Variants in AKAIN1 observed in about 807,000 individuals in gnomAD.
AKAIN1 encodes A-kinase anchor protein inhibitor 1.
Under a neutral mutation model 3.7 loss-of-function variants are expected in AKAIN1, and 3 were observed. The ratio of observed to expected loss-of-function variants is 0.82; its 90% confidence interval spans 0.37 to 2.12. The LOEUF (loss-of-function observed/expected upper bound fraction) is 2.12. Among genes scored for constraint, AKAIN1 ranks in the 30% most tolerant of loss-of-function variants. The pLI, the probability that AKAIN1 is intolerant of heterozygous loss-of-function variation, is 0.06. For missense variants in AKAIN1, 82 were observed against 82.7 expected (o/e 0.99, Z 0.03); for synonymous variants, 31 against 30.8 (o/e 1.01, Z -0.02).
At chr18:5,165,283 C>T (rs2071161544) in intron 1 of AKAIN1, among the ~76,000 whole-genome samples, 1 of 151,846 alleles carries the variant, frequency 6.6e-6, no homozygotes, top group Non-Finnish European at 1.5e-5. Flanking sequence ...TAAAATGGTC[C>T]CTTAGCTACC....
chr18:5,155,811 G>A (rs1243138908), intron 1 of AKAIN1, among the ~76,000 whole-genome samples: 5 of 152,156 alleles, frequency 3.3e-5, no homozygotes, highest in Non-Finnish European at 7.4e-5. Flanking sequence ...GGAAGCCAGA[G>A]GCTTGCATAC....
At chr18:5,181,083 T>C (rs1205717757) in intron 1 of AKAIN1, among the ~76,000 whole-genome samples, 5 of 150,004 alleles carry the variant, frequency 3.3e-5, no homozygotes, top group Admixed American at 3.3e-4. Context: ...AGCCTAGGAG[T>C]TCAAGATCAG....
intron 1 of AKAIN1, among the ~76,000 whole-genome samples, chr18:5,155,317 C>T (rs1459865762): frequency 6.6e-6 from 1 of 152,142 alleles, no homozygotes; most frequent in Non-Finnish European, 1.5e-5. Context: ...ACTCTGGGCT[C>T]ATGCTAACTC....
At chr18:5,168,628 C>A (rs1251417687) in intron 1 of AKAIN1, among the ~76,000 whole-genome samples, 1 of 151,826 alleles carries the variant, frequency 6.6e-6, no homozygotes, top group Non-Finnish European at 1.5e-5. Context: ...TAGTGTGAAC[C>A]CTTCTTTATG....
chr18:5,153,839 T>TA (rs1188367136), intron 1 of AKAIN1, among the ~76,000 whole-genome samples: 1 of 151,704 alleles, frequency 6.6e-6, no homozygotes, highest in Non-Finnish European at 1.5e-5. Context: ...AGTGTAGGTT[T>TA]AACTGTAACA....
chr18:5,166,524 A>C (rs542099645), intron 1 of AKAIN1, among the ~76,000 whole-genome samples: 15 of 152,186 alleles, frequency 9.9e-5, no homozygotes, highest in Admixed American at 3.3e-4. Flanking sequence ...CAATTCTCAG[A>C]GCCACCATAC....
At chr18:5,162,985 G>T (rs1253393655) in intron 1 of AKAIN1, among the ~76,000 whole-genome samples, 1 of 151,894 alleles carries the variant, frequency 6.6e-6, no homozygotes, top group Non-Finnish European at 1.5e-5. Context: ...CACCCACAGA[G>T]ATTCCAATTC....
intron 1 of AKAIN1, among the ~76,000 whole-genome samples, chr18:5,182,197 A>G (rs754295016): frequency 5.9e-5 from 9 of 152,084 alleles, no homozygotes; most frequent in Non-Finnish European, 1.3e-4. Context: ...TAAAGTTTTA[A>G]TGTCTGCACA....
chr18:5,179,913 C>T (rs1344545617), intron 1 of AKAIN1, among the ~76,000 whole-genome samples: 1 of 152,108 alleles, frequency 6.6e-6, no homozygotes, highest in African/African-American at 2.4e-5. Flanking sequence ...TCTCTTTCAC[C>T]TTCAGTAGCT....
chr18:5,192,388 TCTTTC>T (rs1236880920), intron 1 of AKAIN1, among the ~76,000 whole-genome samples: 53 of 81,730 alleles, frequency 6.5e-4, no homozygotes, highest in Middle Eastern at 5.3e-3. Flanking sequence ...GAGCTAATTT[TCTTTC>T]TTTCTTTCTT....
intron 1 of AKAIN1, among the ~76,000 whole-genome samples, chr18:5,165,256 T>C (rs537881571): frequency 1.3e-5 from 2 of 151,974 alleles, no homozygotes; most frequent in Non-Finnish European, 2.9e-5. Context: ...CTTTAATTAG[T>C]AGCTAATAAA....
chr18:5,189,275 C>T (rs2071305134), intron 1 of AKAIN1, among the ~76,000 whole-genome samples: 1 of 152,148 alleles, frequency 6.6e-6, no homozygotes, highest in African/African-American at 2.4e-5. Flanking sequence ...AATCTTTCTC[C>T]CATTGTCTTT....
intron 1 of AKAIN1, among the ~76,000 whole-genome samples, chr18:5,163,115 C>T (rs1160030917): frequency 6.6e-6 from 1 of 151,946 alleles, no homozygotes; most frequent in Non-Finnish European, 1.5e-5. Context: ...TACCCACAGA[C>T]CGTGAGGAAA....
chr18:5,165,789 G>C (rs1334159807), intron 1 of AKAIN1, among the ~76,000 whole-genome samples: 1 of 152,060 alleles, frequency 6.6e-6, no homozygotes, highest in Non-Finnish European at 1.5e-5. Flanking sequence ...TGTTGAAAGT[G>C]AGCTTGGCTC....
Position 5,145,404 on chromosome 18 carries a change from C to T in AKAIN1, c.*158G>A, listed in dbSNP as rs1409113806. The T allele has an allele frequency of 1.0e-5, 6 of 598,612 alleles. No individual in the cohort carries two copies. Among genetic ancestry groups the T allele is most frequent in the Non-Finnish European group, 1.8e-5 (6 of 340,480 alleles). The allele number at this position is 598,612 out of a possible 1,614,324, so 37.1% of individuals were successfully genotyped here. ...AACAGAATCGTCTAATGCACTTTTT[C>T]AAAACAGTGCTTCTCAGCCAGGGGC... On this transcript the variant is annotated 3_prime_UTR_variant, in exon 2 of 2. Transcript: ENST00000434239.
intron 1 of AKAIN1, among the ~76,000 whole-genome samples, chr18:5,174,819 A>C (rs1427066539): frequency 6.6e-6 from 1 of 152,158 alleles, no homozygotes; most frequent in Non-Finnish European, 1.5e-5. Flanking sequence ...CACCACGGGA[A>C]CAACTCTACT....
intron 1 of AKAIN1, among the ~76,000 whole-genome samples, chr18:5,154,459 C>T (rs1185147053): frequency 6.6e-6 from 1 of 152,068 alleles, no homozygotes; most frequent in Non-Finnish European, 1.5e-5. Context: ...CCTTTTACCC[C>T]CAAGAGACTC....
chr18:5,175,932 T>G (rs2143358420), intron 1 of AKAIN1, among the ~76,000 whole-genome samples: 1 of 152,250 alleles, frequency 6.6e-6, no homozygotes, highest in East Asian at 1.9e-4. Context: ...AATGATATTT[T>G]GTCCTGCTTT....
intron 1 of AKAIN1, among the ~76,000 whole-genome samples, chr18:5,183,954 C>T (rs1425271824): frequency 6.6e-6 from 1 of 152,112 alleles, no homozygotes; most frequent in Non-Finnish European, 1.5e-5. Context: ...AGGCACATCA[C>T]AGGCTTCTTG....
Sources: gnomAD v4.1 joint callset for allele counts (sites outside exome capture counted in the v4.1 genomes callset) on GRCh38, gnomAD v4.1.1 for gene constraint, MANE v1.5 for transcripts, NCBI Gene and HGNC (gene_info 2026-07-23, HGNC 2026-07-21) for gene names.